The following PARD3 variants were observed in gnomAD, a reference collection of about 807,000 sequenced individuals.
PARD3 encodes partitioning defective 3 homolog.
PARD3 carries 75 observed loss-of-function variants against 155.4 expected under a neutral mutation model. The observed-to-expected ratio is 0.48, with a 90% CI of 0.40 to 0.58. The LOEUF is 0.58. PARD3 is among the 20% of genes least tolerant of loss of function. The probability of loss-of-function intolerance (pLI) is 0.00; values close to 1 mark genes in which losing one functional copy is unlikely to be tolerated. For synonymous variants in PARD3, 576 were observed against 610.5 expected (o/e 0.94, Z 0.83); for missense variants, 1,642 against 1,721.7 (o/e 0.95, Z 0.82).
intron 2 of PARD3, among the ~76,000 whole-genome samples, chr10:34,640,061 A>G (rs1046723074): frequency 2.0e-5 from 3 of 152,220 alleles, no homozygotes; most frequent in Admixed American, 1.3e-4. Context: ...AACAGAAGAA[A>G]ATACCAATCC....
At chr10:34,603,690 A>G (rs2089982062) in intron 2 of PARD3, among the ~76,000 whole-genome samples, 2 of 152,314 alleles carry the variant, frequency 1.3e-5, no homozygotes, top group African/African-American at 4.8e-5. Flanking sequence ...TCATCCCAAC[A>G]TATTAGACAG....
chr10:34,515,145 T>C (rs1449723320), intron 3 of PARD3, among the ~76,000 whole-genome samples: 2 of 152,200 alleles, frequency 1.3e-5, no homozygotes, highest in Non-Finnish European at 2.9e-5. Context: ...GTAGGCTTAA[T>C]GAACTAATAA....
At chr10:34,492,426 C>G (rs1244638605) in intron 3 of PARD3, among the ~76,000 whole-genome samples, 2 of 152,116 alleles carry the variant, frequency 1.3e-5, no homozygotes, top group African/African-American at 4.8e-5. Flanking sequence ...AAAGGGCTTA[C>G]CTTCTATCTT....
chr10:34,450,693 A>G (rs2077009832), intron 4 of PARD3, among the ~76,000 whole-genome samples: 1 of 152,156 alleles, frequency 6.6e-6, no homozygotes, highest in African/African-American at 2.4e-5. Context: ...GGCACACAAC[A>G]GACAAAACAC....
At chr10:34,499,379 T>C (rs530522814) in intron 3 of PARD3, among the ~76,000 whole-genome samples, 3 of 152,326 alleles carry the variant, frequency 2.0e-5, no homozygotes, top group African/African-American at 7.2e-5. Context: ...TCTACGATGA[T>C]AGACTATTGC....
intron 22 of PARD3, among the ~76,000 whole-genome samples, chr10:34,138,150 A>G (rs1947999914): frequency 1.3e-5 from 2 of 152,228 alleles, no homozygotes; most frequent in Non-Finnish European, 2.9e-5. Context: ...TTTACGAGCG[A>G]GTTTTACCAT....
intron 1 of PARD3, among the ~76,000 whole-genome samples, chr10:34,736,984 G>A (rs2094927448): frequency 6.6e-6 from 1 of 152,092 alleles, no homozygotes; most frequent in African/African-American, 2.4e-5. Context: ...GCCAAAATAG[G>A]TGACTTTAGA....
chr10:34,712,917 TA>T (rs1390755196), intron 1 of PARD3, among the ~76,000 whole-genome samples: 1 of 152,068 alleles, frequency 6.6e-6, no homozygotes, highest in Non-Finnish European at 1.5e-5. Context: ...GAATCTAAAA[TA>T]AAAGCTGAGG....
intron 11 of PARD3, 21 bp from the exon 12 acceptor site, chr10:34,372,557 CAT>C (rs1564639190): frequency 1.3e-6 from 2 of 1,584,802 alleles, no homozygotes; most frequent in Non-Finnish European, 1.7e-6. Flanking sequence ...TGAAGAAAAA[CAT>C]AAATACAGAC....
In PARD3 at chr10:34,517,132, G is replaced by A; in HGVS notation, c.250C>T (p.Pro84Ser). 6.2e-7 allele frequency: 1 copy of A among 1,614,088 alleles called. No homozygotes were observed. Among genetic ancestry groups the A allele is most frequent in the Non-Finnish European group, 8.5e-7 (1 of 1,179,990 alleles). ...RLVAVFDEQD[P>S]HHGGDGTSAS... The stretch of plus-strand genomic sequence containing the variant: ...CTGGTGCCATCACCTCCGTGATGTG[G>A]ATCCTGCTCATCAAACACTGCTACC... Residue 84 changes from proline to serine, a missense_variant, in exon 3 of 25, where the codon CCA becomes TCA. Coordinates refer to ENST00000374788, the MANE Select transcript of PARD3 (RefSeq NM_001184785.2).
At chr10:34,171,706 T>C (rs1949801355) in intron 22 of PARD3, among the ~76,000 whole-genome samples, 2 of 151,910 alleles carry the variant, frequency 1.3e-5, no homozygotes, top group African/African-American at 4.8e-5. Context: ...CCCAGCACTT[T>C]GGGAGGCCGA....
intron 2 of PARD3, among the ~76,000 whole-genome samples, chr10:34,564,842 A>G (rs1024913943): frequency 2.6e-5 from 4 of 152,210 alleles, no homozygotes; most frequent in African/African-American, 9.6e-5. Context: ...TATAATTTTA[A>G]TGTATGTATG....
At chr10:34,600,810 A>C (rs2089694425) in intron 2 of PARD3, among the ~76,000 whole-genome samples, 1 of 152,076 alleles carries the variant, frequency 6.6e-6, no homozygotes, top group South Asian at 2.1e-4. Context: ...ATTTTGAGAC[A>C]GATTCTTGCT....
chr10:34,730,019 TAAAG>T (rs1349140579), intron 1 of PARD3, among the ~76,000 whole-genome samples: 1 of 152,176 alleles, frequency 6.6e-6, no homozygotes, highest in Non-Finnish European at 1.5e-5. Flanking sequence ...GAACCAGACC[TAAAG>T]AGCAATTCAT....
chr10:34,539,439 C>T (rs1172528674), intron 2 of PARD3, among the ~76,000 whole-genome samples: 3 of 152,146 alleles, frequency 2.0e-5, no homozygotes, highest in Non-Finnish European at 2.9e-5. Flanking sequence ...GAAGCCAAGG[C>T]GGGCAGATCA....
chr10:34,750,454 C>G (rs946432692), intron 1 of PARD3, among the ~76,000 whole-genome samples: 1 of 137,032 alleles, frequency 7.3e-6, no homozygotes, highest in Non-Finnish European at 1.5e-5. Flanking sequence ...TCCTCTTTCT[C>G]TCTTTCAAAC....
chr10:34,139,320 C>T (rs562078546), intron 22 of PARD3, among the ~76,000 whole-genome samples: 1 of 152,278 alleles, frequency 6.6e-6, no homozygotes, highest in Admixed American at 6.5e-5. Context: ...GCACTTCAGT[C>T]CCCTCATTTA....
At chr10:34,509,589 A>G (rs1220570360) in intron 3 of PARD3, among the ~76,000 whole-genome samples, 1 of 152,198 alleles carries the variant, frequency 6.6e-6, no homozygotes, top group African/African-American at 2.4e-5. Flanking sequence ...AATCAATTCA[A>G]TGATGCATAA....
rs560303533 is a variant in PARD3 at position 34,277,029 on chromosome 10, A to C, written c.3176+7106T>G. Among the ~76,000 whole-genome samples the C allele has an allele frequency of 3.4e-4, 52 of 152,278 alleles. No homozygotes were observed. In the South Asian group the frequency reaches 0.011, roughly 32 times the overall value. Reference sequence around the variant, plus strand: ...GACTATCTTCAAAACAATGTTCAGGATCTTGCAATCAACTCTTTTGGGAAA... The same window carrying C: ...GACTATCTTCAAAACAATGTTCAGGCTCTTGCAATCAACTCTTTTGGGAAA... On this transcript the variant is annotated intron_variant, in intron 21 of 24. Coordinates refer to ENST00000374788, the MANE Select transcript of PARD3 (RefSeq NM_001184785.2).
Sources: gnomAD v4.1 joint callset for allele counts (sites outside exome capture counted in the v4.1 genomes callset) on GRCh38, gnomAD v4.1.1 for gene constraint, MANE v1.5 for transcripts, NCBI Gene and HGNC (gene_info 2026-07-23, HGNC 2026-07-21) for gene names.